The following NMT2 variants were observed in gnomAD, a reference collection of about 807,000 sequenced individuals.
NMT2 encodes the protein N-myristoyltransferase 2.
In NMT2, 35 loss-of-function variants were observed where a neutral mutation model predicts 65.4. The observed-to-expected ratio is 0.54, with a 90% CI of 0.41 to 0.71. NMT2 has a LOEUF of 0.71. Ranked by LOEUF, NMT2 falls within the 30% of genes least tolerant of loss-of-function variation. The probability of loss-of-function intolerance (pLI) is 0.00; values close to 1 mark genes in which losing one functional copy is unlikely to be tolerated. For synonymous variants in NMT2, 226 were observed against 231.8 expected (o/e 0.98, Z 0.23); for missense variants, 489 against 611.3 (o/e 0.80, Z 2.11).
chr10:15,132,995 G>A (rs546110077), intron 5 of NMT2, 58 bp downstream of exon 5: 19 of 1,589,914 alleles, frequency 1.2e-5, no homozygotes, highest in African/African-American at 2.7e-5. Context: ...AGGAACAGAC[G>A]CAGGAGTCCC....
At chr10:15,164,005 C>T (rs1185928421) in intron 1 of NMT2, among the ~76,000 whole-genome samples, 1 of 151,950 alleles carries the variant, frequency 6.6e-6, no homozygotes, top group African/African-American at 2.4e-5. Flanking sequence ...TGGTGAAACC[C>T]CGTCTCTACT....
Position 15,128,416 on chromosome 10 carries a change from C to A in NMT2, c.933G>T (p.Val311=), listed in dbSNP as rs773910854. 6.2e-7 allele frequency: 1 copy of A among 1,611,194 alleles called. No homozygotes were observed. Among genetic ancestry groups the A allele is most frequent in the Non-Finnish European group, 8.5e-7 (1 of 1,177,438 alleles). ...RSLNPRKLVE[V]KFSHLSRNMT... ...TATTTCTACTCAAGTGAGAAAATTT[C>A]ACTTCTACCAATTTTCTGGGGTTTA... Residue 311 remains valine (V), a synonymous_variant, in exon 8 of 12, where the codon GTG becomes GTT. Coordinates refer to ENST00000378165, the MANE Select transcript of NMT2 (RefSeq NM_004808.3).
At chr10:15,127,788 AGCTACTTGGGAGGCTGAGGTGGGAGAATC>A (rs574017825) in intron 8 of NMT2, among the ~76,000 whole-genome samples, 168 of 151,554 alleles carry the variant, frequency 1.1e-3, no homozygotes, top group African/African-American at 3.9e-3. Flanking sequence ...CTGTAGTCCC[AGCTACTTGGGAGGCTGAGGTGGGAGAATC>A]GCTTGAACCC....
chr10:15,128,532 G>C, intron 7 of NMT2, 74 bp from the exon 8 acceptor site: 1 of 932,072 alleles, frequency 1.1e-6, no homozygotes, highest in Non-Finnish European at 1.7e-6. Context: ...TCTCAGCTTG[G>C]CTGTTACATA....
At chr10:15,149,436 TCATCACCACCGC>T (rs1306261027) in intron 1 of NMT2, among the ~76,000 whole-genome samples, 1 of 8,738 alleles carries the variant, frequency 1.1e-4, no homozygotes, top group Admixed American at 1.2e-3. Context: ...ACCATCACCA[TCATCACCACCGC>T]CATCATCACC....
At chr10:15,150,556 T>C (rs911612604) in intron 1 of NMT2, among the ~76,000 whole-genome samples, 2 of 152,138 alleles carry the variant, frequency 1.3e-5, no homozygotes, top group Admixed American at 6.6e-5. Flanking sequence ...CTTCTCCTCT[T>C]GGGATTGGTG....
At chr10:15,167,474 T>A (rs1833414364) in intron 1 of NMT2, among the ~76,000 whole-genome samples, 1 of 152,336 alleles carries the variant, frequency 6.6e-6, no homozygotes, top group Non-Finnish European at 1.5e-5. Flanking sequence ...CCTATCATGT[T>A]TTTTAAGCTG....
intron 1 of NMT2, among the ~76,000 whole-genome samples, chr10:15,161,159 C>T (rs184841274): frequency 7.4e-4 from 92 of 123,712 alleles, no homozygotes; most frequent in Admixed American, 5.6e-3. Flanking sequence ...GATATTAAAA[C>T]GTTTATGGAG....
intron 3 of NMT2, 144 bp downstream of exon 3, chr10:15,135,130 G>C: frequency 1.2e-6 from 1 of 849,974 alleles, no homozygotes; most frequent in Non-Finnish European, 1.9e-6. Flanking sequence ...TATTAGTCTT[G>C]CATAGATTTC....
At chr10:15,111,509 C>CAAAAAAAAAAAAAAAAAAAAAATATA (rs58537120) in intron 10 of NMT2, among the ~76,000 whole-genome samples, 1 of 52,804 alleles carries the variant, frequency 1.9e-5, no homozygotes, top group African/African-American at 6.6e-5. Flanking sequence ...AGACTCATCT[C>CAAAAAAAAAAAAAAAAAAAAAATATA]AAAAAAAAAA....
intron 11 of NMT2, 98 bp downstream of exon 11, chr10:15,109,604 A>G: frequency 1.1e-6 from 1 of 949,266 alleles, no homozygotes; most frequent in Non-Finnish European, 1.5e-6. Context: ...TAAAATGAAC[A>G]AAAATAAAAT....
At chr10:15,139,201 C>A (rs753475877) in intron 2 of NMT2, among the ~76,000 whole-genome samples, 21 of 152,040 alleles carry the variant, frequency 1.4e-4, no homozygotes, top group Non-Finnish European at 2.4e-4. Flanking sequence ...CTGCAGATGG[C>A]CTATTGTGGG....
At chr10:15,159,396 ATATTTATTTATT>A (rs112463294) in intron 1 of NMT2, among the ~76,000 whole-genome samples, 13,625 of 149,268 alleles carry the variant, frequency 0.091, 1,637 homozygotes, top group African/African-American at 0.29. Flanking sequence ...CCTCCTTAAA[ATATTTATTTATT>A]TATTTATTTA....
chr10:15,147,898 C>T (rs946147505), intron 1 of NMT2, among the ~76,000 whole-genome samples: 1 of 152,028 alleles, frequency 6.6e-6, no homozygotes, highest in Non-Finnish European at 1.5e-5. Context: ...TTTGAGTACA[C>T]CAAAGTTAAA....
intron 1 of NMT2, among the ~76,000 whole-genome samples, chr10:15,151,139 A>G (rs1284414059): frequency 2.0e-5 from 3 of 150,954 alleles, no homozygotes; most frequent in East Asian, 3.9e-4. Flanking sequence ...GATCACTGCA[A>G]TCTCCGCCTC....
chr10:15,119,607 A>G, intron 8 of NMT2, 94 bp from the exon 9 acceptor site: 1 of 1,026,180 alleles, frequency 9.7e-7, no homozygotes, highest in Non-Finnish European at 1.5e-6. Flanking sequence ...GACCAGCAGA[A>G]TGAGCAGCAC....
In NMT2 at chr10:15,149,182, A is replaced by G. The variant is rs1847061820; in HGVS notation, c.111-7625T>C. On this transcript the variant is annotated intron_variant, in intron 1 of 11. Transcript: ENST00000378165. ...CACCATCACTGCCGCCATCACCACCACCACTGCCACCATCATCACCACCAT... is the reference window on the plus strand; with the variant it reads ...CACCATCACTGCCGCCATCACCACCGCCACTGCCACCATCATCACCACCAT... Among the ~76,000 whole-genome samples, 6 of 150,306 alleles carry G rather than the reference A, an allele frequency of 4.0e-5. No individual in the cohort carries two copies. In the South Asian group the frequency reaches 1.3e-3, roughly 32 times the overall value.
intron 1 of NMT2, among the ~76,000 whole-genome samples, chr10:15,147,590 C>T (rs1179250514): frequency 3.3e-5 from 5 of 152,034 alleles, no homozygotes; most frequent in Non-Finnish European, 7.4e-5. Flanking sequence ...AAACTGAATT[C>T]CTATATGCAG....
chr10:15,141,020 T>TG (rs1380820264), intron 2 of NMT2: 1 of 1,550,962 alleles, frequency 6.4e-7, no homozygotes, highest in East Asian at 2.4e-5. Context: ...TGCTGCCAGA[T>TG]GGTGTTGTGC....
Sources: gnomAD v4.1 joint callset for allele counts (sites outside exome capture counted in the v4.1 genomes callset) on GRCh38, gnomAD v4.1.1 for gene constraint, MANE v1.5 for transcripts, NCBI Gene and HGNC (gene_info 2026-07-23, HGNC 2026-07-21) for gene names.